The following SH2D3C variants were observed in gnomAD, a reference collection of about 807,000 sequenced individuals.
SH2D3C encodes the protein SH2 domain containing 3C.
In SH2D3C, 25 loss-of-function variants were observed where a neutral mutation model predicts 75.2. The ratio of observed to expected loss-of-function variants is 0.33; its 90% confidence interval spans 0.24 to 0.46. SH2D3C has a LOEUF of 0.46. Among genes scored for constraint, SH2D3C ranks in the 20% least tolerant of loss-of-function variants. SH2D3C has a pLI of 1.00. For missense variants in SH2D3C, 933 were observed against 1,165.3 expected (o/e 0.80, Z 2.90); for synonymous variants, 450 against 473.7 (o/e 0.95, Z 0.65).
At position 127,749,301 on chromosome 9, in the gene SH2D3C, G is replaced by T; in HGVS notation, c.1049C>A (p.Pro350His). 1 of 1,610,680 alleles carries T rather than the reference G, an allele frequency of 6.2e-7. No individual in the cohort carries two copies. The change falls in exon 5 of 12, where the codon CCC becomes CAC. Residue 350 changes from proline (P) to histidine (H), a missense_variant. Transcript: ENST00000314830. This position sits in a 1 kb window ranked among gnomAD's most constrained non-coding sequence, Gnocchi z 5.9. ...GCGCCGCTTCATGTGGCTGCCCTTG[G>T]GGCCTGAGGGGCTGACGGGGCTAGC... is the stretch of plus-strand genomic sequence containing the variant. Reference protein sequence around the residue: ...KPASPVSPSGPKGSHMKRRSV... With the variant: ...KPASPVSPSGHKGSHMKRRSV...
rs979433508 is a variant in SH2D3C at position 127,774,768 on chromosome 9, C to T, written c.38-301G>A. ...CATCAGTAAAATAGAGATTCTAGCACCTACCCACTAGGGCAATGTGAGAAT... is the reference window on the plus strand; with the variant it reads ...CATCAGTAAAATAGAGATTCTAGCATCTACCCACTAGGGCAATGTGAGAAT... On this transcript the variant is annotated intron_variant, in intron 1 of 11. Transcript: ENST00000314830. This position sits in a 1 kb window ranked among gnomAD's most constrained non-coding sequence, Gnocchi z 4.3. Among the ~76,000 whole-genome samples, 1 of 152,204 alleles carries T rather than the reference C, an allele frequency of 6.6e-6. No individual in the cohort carries two copies. The highest frequency in any genetic ancestry group is 1.5e-5 in the Non-Finnish European group (1 of 68,044).
chr9:127,773,119 G>C (rs886430880), intron 2 of SH2D3C, among the ~76,000 whole-genome samples: 1 of 152,128 alleles, frequency 6.6e-6, no homozygotes, highest in African/African-American at 2.4e-5. Context: ...CTTAATGATT[G>C]AATCTTCTAT....
chr9:127,771,403 C>T, intron 2 of SH2D3C: 1 of 1,314,032 alleles, frequency 7.6e-7, no homozygotes. Flanking sequence ...CACTCCACCG[C>T]CTACTCCACC....
At position 127,744,887 on chromosome 9, in the gene SH2D3C, C is replaced by T. The variant is rs1021351506; in HGVS notation, c.1477G>A (p.Gly493Ser). The T allele has an allele frequency of 6.2e-7, 1 of 1,613,412 alleles. No individual in the cohort carries two copies. The highest frequency in any genetic ancestry group is 8.5e-7 in the Non-Finnish European group (1 of 1,179,598). The change falls in exon 7 of 12, where the codon GGC becomes AGC. Residue 493 changes from glycine (G) to serine (S), a missense_variant. Physicochemically the swap from Gly to Ser is moderately conservative, Grantham distance 56. Coordinates refer to ENST00000314830, the MANE Select transcript of SH2D3C (RefSeq NM_170600.3). ...SLSSYSDPDSGHYCQLQPPVR... is the reference protein window; with the variant it reads ...SLSSYSDPDSSHYCQLQPPVR... Reference sequence around the variant, plus strand: ...GGAGGCTGGAGCTGGCAGTAGTGGCCAGAGTCCGGGTCACTGTAGCTGCTG... The same window carrying T: ...GGAGGCTGGAGCTGGCAGTAGTGGCTAGAGTCCGGGTCACTGTAGCTGCTG...
rs1464106984 is a variant in SH2D3C at position 127,739,796 on chromosome 9, G to T, written c.2293C>A (p.Pro765Thr). 1.3e-6 allele frequency: 2 copies of T among 1,597,148 alleles called. No individual in the cohort carries two copies. Among genetic ancestry groups the T allele is most frequent in the Non-Finnish European group, 1.7e-6 (2 of 1,172,648 alleles). Residue 765 changes from proline (P) to threonine (T), a missense_variant, in exon 11 of 12, where the codon CCC (proline) becomes ACC (threonine). Coordinates refer to ENST00000314830, the MANE Select transcript of SH2D3C (RefSeq NM_170600.3). This position sits in a 1 kb window ranked among gnomAD's most constrained non-coding sequence, Gnocchi z 4.3. ...ACGCCGTGCTCCGTGCTGCCCCAGG[G>T]CTCAGGGCCCTCTGGTGGGGCCGAG... ...CDSAPPEGPE[P>T]WGSTEHGVEV...
intron 6 of SH2D3C, among the ~76,000 whole-genome samples, 158 bp from the exon 7 acceptor site, chr9:127,745,257 C>G (rs559923296): frequency 6.6e-6 from 1 of 152,098 alleles, no homozygotes; most frequent in African/African-American, 2.4e-5. Flanking sequence ...GGCCGATTGA[C>G]TCTGGCAAGC....
chr9:127,755,245 C>T, intron 3 of SH2D3C: 1 of 992,576 alleles, frequency 1.0e-6, no homozygotes, highest in East Asian at 9.8e-5. Flanking sequence ...GGCTAGGCAC[C>T]GGCTGCGCGT....
At chr9:127,756,383 C>T (rs763827327) in intron 3 of SH2D3C, among the ~76,000 whole-genome samples, 7 of 152,206 alleles carry the variant, frequency 4.6e-5, no homozygotes, top group Non-Finnish European at 1.0e-4. Flanking sequence ...TGCTGATTCC[C>T]CATCAGTCAG....
intron 2 of SH2D3C, among the ~76,000 whole-genome samples, chr9:127,768,377 G>A (rs1286316239): frequency 6.6e-6 from 1 of 152,072 alleles, no homozygotes; most frequent in African/African-American, 2.4e-5. Context: ...GGGTACCCCT[G>A]GTTCTCAAGT....
chr9:127,745,455 CTTTTTT>C (rs1190107937), intron 6 of SH2D3C, among the ~76,000 whole-genome samples: 9 of 109,552 alleles, frequency 8.2e-5, no homozygotes, highest in African/African-American at 4.2e-4. Context: ...TAATGATTTC[CTTTTTT>C]TTTTTTTTTT....
chr9:127,771,167 G>A, intron 2 of SH2D3C: 2 of 1,535,652 alleles, frequency 1.3e-6, no homozygotes, highest in African/African-American at 1.4e-5. Context: ...CCCTCCCCAG[G>A]CCCAGCTCGG....
chr9:127,742,798 T>C (rs1420160723), intron 8 of SH2D3C, 51 bp downstream of exon 8: 15 of 1,423,758 alleles, frequency 1.1e-5, no homozygotes, highest in Non-Finnish European at 1.5e-5. Context: ...CAGCGGGGAG[T>C]GCGGTAGCCG....
At chr9:127,771,656 A>G (rs2131809043) in intron 2 of SH2D3C, among the ~76,000 whole-genome samples, 1 of 152,206 alleles carries the variant, frequency 6.6e-6, no homozygotes, top group African/African-American at 2.4e-5. Context: ...CTCCCGCGAA[A>G]CTCGGCTTCC....
chr9:127,745,895 G>A (rs1010336707), intron 6 of SH2D3C, among the ~76,000 whole-genome samples: 1 of 152,158 alleles, frequency 6.6e-6, no homozygotes, highest in Admixed American at 6.5e-5. Context: ...CCTCAAAGGC[G>A]ATATTTACTA....
chr9:127,762,781 G>A (rs867218950), intron 2 of SH2D3C, among the ~76,000 whole-genome samples: 3 of 152,152 alleles, frequency 2.0e-5, no homozygotes, highest in African/African-American at 4.8e-5. Flanking sequence ...GATGGCAAAC[G>A]AACCATCCTC....
chr9:127,739,126 TTAA>T lies in SH2D3C; in HGVS notation c.2408-208_2408-206del, dbSNP rs1382930658. ...TTAAAAATGACTAGACCATAAAATATTAATGTTAAATATGTTTGCAGATTTTTG... is the reference window on the plus strand; with the variant it reads ...TTAAAAATGACTAGACCATAAAATATTGTTAAATATGTTTGCAGATTTTTG... On this transcript the variant is annotated intron_variant, in intron 11 of 11. Coordinates refer to ENST00000314830, the MANE Select transcript of SH2D3C (RefSeq NM_170600.3). The surrounding 1 kb of genome is among the most constrained non-coding windows in gnomAD (Gnocchi z 4.3). 2.6e-5 allele frequency among the ~76,000 whole-genome samples: 4 copies of T among 151,720 alleles called. No individual in the cohort carries two copies. Among genetic ancestry groups the T allele is most frequent in the Non-Finnish European group, 2.9e-5 (2 of 67,990 alleles).
At position 127,745,075 on chromosome 9, in the gene SH2D3C, G is replaced by C; in HGVS notation, c.1289C>G (p.Ala430Gly). 6.6e-7 allele frequency: 1 copy of C among 1,506,812 alleles called. No homozygotes were observed. Among genetic ancestry groups the C allele is most frequent in the Non-Finnish European group, 8.9e-7 (1 of 1,129,474 alleles). 93.3% of individuals were successfully genotyped at this position (1,506,812 alleles called of 1,614,324 possible). A position where few individuals can be genotyped will look rare whatever the true frequency, so the allele number is the denominator to read the frequency against. ...STVTRVHAAP[A>G]APSATALPAS... Reference sequence around the variant, plus strand: ...AGGCAATGCTGTGGCAGAAGGGGCTGCAGGGGCGGCATGGACACGGGTTAC... The same window carrying C: ...AGGCAATGCTGTGGCAGAAGGGGCTCCAGGGGCGGCATGGACACGGGTTAC... The change falls in exon 7 of 12, where the codon GCA (alanine) becomes GGA (glycine). Residue 430 changes from alanine (A) to glycine (G), a missense_variant. By Grantham distance (60) the Ala-to-Gly change is moderately conservative. Transcript: ENST00000314830.
intron 2 of SH2D3C, among the ~76,000 whole-genome samples, chr9:127,768,202 C>T (rs1391925738): frequency 6.6e-6 from 1 of 152,174 alleles, no homozygotes; most frequent in African/African-American, 2.4e-5. Context: ...TACCAGATGC[C>T]CAGCAGCTGA....
At chr9:127,758,156 T>C (rs1301779159) in intron 3 of SH2D3C, among the ~76,000 whole-genome samples, 1 of 151,986 alleles carries the variant, frequency 6.6e-6, no homozygotes, top group Non-Finnish European at 1.5e-5. Context: ...ATATTTTTTC[T>C]AGAGACAGGA....
Sources: gnomAD v4.1 joint callset for allele counts (sites outside exome capture counted in the v4.1 genomes callset) on GRCh38, gnomAD v4.1.1 for gene constraint, Gnocchi (gnomAD v3.1) non-coding constraint, MANE v1.5 for transcripts, NCBI Gene and HGNC (gene_info 2026-07-23, HGNC 2026-07-21) for gene names.